The following PCCA variants were observed in gnomAD, a reference collection of about 807,000 sequenced individuals.
The protein encoded by PCCA is propionyl-CoA carboxylase alpha chain, mitochondrial.
A neutral mutation model predicts 101.3 loss-of-function variants in PCCA; 74 were observed. That is an observed-to-expected ratio of 0.73 (90% confidence interval 0.61 to 0.89). PCCA has a LOEUF of 0.89. Among genes scored for constraint, PCCA ranks in the 40% least tolerant of loss-of-function variants. PCCA has a pLI of 0.00. For missense variants in PCCA, 891 were observed against 907.0 expected (o/e 0.98, Z 0.23); for synonymous variants, 294 against 313.6 (o/e 0.94, Z 0.66).
chr13:100,134,421 C>A (rs1445161687), intron 4 of PCCA, among the ~76,000 whole-genome samples: 4 of 152,088 alleles, frequency 2.6e-5, no homozygotes, highest in Non-Finnish European at 5.9e-5. Context: ...TGTACACACA[C>A]AAAAAAAATC....
intron 21 of PCCA, among the ~76,000 whole-genome samples, chr13:100,469,108 G>A (rs377105755): frequency 6.6e-6 from 1 of 150,932 alleles, no homozygotes; most frequent in Non-Finnish European, 1.5e-5. Flanking sequence ...CTACTAGGGA[G>A]GCTGAGGCAG....
chr13:100,224,558 C>T (rs2060035233), intron 7 of PCCA, among the ~76,000 whole-genome samples: 1 of 152,218 alleles, frequency 6.6e-6, no homozygotes, highest in Non-Finnish European at 1.5e-5. Context: ...GCGCCAAGAG[C>T]GAGCGAGGGC....
At chr13:100,384,027 ATTTT>A (rs11301747) in intron 19 of PCCA, among the ~76,000 whole-genome samples, 2 of 134,820 alleles carry the variant, frequency 1.5e-5, no homozygotes, top group Non-Finnish European at 3.3e-5. Context: ...TGAAAGTTTG[ATTTT>A]TTTTTTTTTT....
chr13:100,509,083 A>G (rs996008878), intron 21 of PCCA, among the ~76,000 whole-genome samples: 1 of 152,028 alleles, frequency 6.6e-6, no homozygotes, highest in Non-Finnish European at 1.5e-5. Flanking sequence ...CTTGAACTAG[A>G]CTTGCTAGTT....
At chr13:100,405,104 C>G (rs927358612) in intron 19 of PCCA, among the ~76,000 whole-genome samples, 2 of 152,194 alleles carry the variant, frequency 1.3e-5, no homozygotes, top group African/African-American at 4.8e-5. Flanking sequence ...GAAAGCATGT[C>G]TTGTGACACA....
chr13:100,503,758 A>G (rs997994197), intron 21 of PCCA, among the ~76,000 whole-genome samples: 1 of 152,086 alleles, frequency 6.6e-6, no homozygotes, highest in Non-Finnish European at 1.5e-5. Flanking sequence ...TTAAAAAAAA[A>G]TTAGCCGGGC....
intron 20 of PCCA, among the ~76,000 whole-genome samples, chr13:100,430,356 G>A (rs1170172116): frequency 6.6e-6 from 1 of 152,192 alleles, no homozygotes; most frequent in Non-Finnish European, 1.5e-5. Flanking sequence ...CAGTGTCCCT[G>A]AAGAACACCA....
chr13:100,305,761 C>T, intron 14 of PCCA: 1 of 408,004 alleles, frequency 2.5e-6, no homozygotes. Flanking sequence ...TTTTTGTCAA[C>T]ACTGTGAATT....
intron 20 of PCCA, among the ~76,000 whole-genome samples, chr13:100,429,376 C>A (rs1346461167): frequency 6.6e-6 from 1 of 151,792 alleles, no homozygotes. Flanking sequence ...ATGAATATTA[C>A]CAAAGGCATT....
chr13:100,247,553 A>C, intron 8 of PCCA, among the ~76,000 whole-genome samples: 1 of 132,352 alleles, frequency 7.6e-6, no homozygotes, highest in Admixed American at 8.4e-5. Context: ...TCGCTCTGTC[A>C]CCTAGGCTGG....
intron 7 of PCCA, among the ~76,000 whole-genome samples, chr13:100,216,738 T>TA (rs1258911899): frequency 6.6e-6 from 1 of 152,186 alleles, no homozygotes; most frequent in Non-Finnish European, 1.5e-5. Context: ...ATGCTTCAGA[T>TA]ATTGGAATTG....
intron 4 of PCCA, among the ~76,000 whole-genome samples, chr13:100,134,105 A>G (rs1260447043): frequency 6.6e-6 from 1 of 152,082 alleles, no homozygotes; most frequent in Admixed American, 6.5e-5. Context: ...TGATCATGCG[A>G]GTCAATACTC....
chr13:100,486,994 T>C (rs1447374944), intron 21 of PCCA, among the ~76,000 whole-genome samples: 4 of 152,194 alleles, frequency 2.6e-5, no homozygotes, highest in African/African-American at 9.6e-5. Flanking sequence ...TTGAGCGGAA[T>C]TGTCTTCATG....
chr13:100,521,747 C>T (rs2087315859), intron 22 of PCCA, among the ~76,000 whole-genome samples: 1 of 152,128 alleles, frequency 6.6e-6, no homozygotes. Flanking sequence ...CATTCAGGCA[C>T]CTGTGTTCCA....
rs557416999 is a variant in PCCA at position 100,129,521 on chromosome 13, G to A, written c.300+17460G>A. Among the ~76,000 whole-genome samples, 8 of 152,000 alleles carry A rather than the reference G, an allele frequency of 5.3e-5. No individual in the cohort carries two copies. In the South Asian group the frequency reaches 1.3e-3, roughly 24 times the overall value. Reference sequence around the variant, plus strand: ...TCTTTCCTAGTTTCTCTCTCACCCCGGCCATTGCTGCCTCCCACCTTCTCC... The same window carrying A: ...TCTTTCCTAGTTTCTCTCTCACCCCAGCCATTGCTGCCTCCCACCTTCTCC... On this transcript the variant is annotated intron_variant, in intron 4 of 23. Coordinates refer to ENST00000376285, the MANE Select transcript of PCCA (RefSeq NM_000282.4).
chr13:100,106,386 G>A (rs942797733), intron 2 of PCCA, among the ~76,000 whole-genome samples: 6 of 152,124 alleles, frequency 3.9e-5, no homozygotes, highest in Admixed American at 2.0e-4. Flanking sequence ...ATAAATAAAT[G>A]TATGTAACTG....
At chr13:100,332,605 A>T (rs1202680313) in intron 17 of PCCA, among the ~76,000 whole-genome samples, 2 of 152,190 alleles carry the variant, frequency 1.3e-5, no homozygotes, top group Non-Finnish European at 2.9e-5. Context: ...GGGCATTTAA[A>T]TTTTCTAATC....
chr13:100,179,469 T>A (rs2056576036), intron 6 of PCCA, among the ~76,000 whole-genome samples: 1 of 152,220 alleles, frequency 6.6e-6, no homozygotes, highest in African/African-American at 2.4e-5. Context: ...TTTAGGGAAG[T>A]GAGGTCATGG....
chr13:100,444,143 CCATGCCAT>C (rs1321152154), intron 20 of PCCA, among the ~76,000 whole-genome samples: 1 of 152,094 alleles, frequency 6.6e-6, no homozygotes, highest in Non-Finnish European at 1.5e-5. Flanking sequence ...CCTAAACTTG[CCATGCCAT>C]CGTGCCATCC....
Sources: gnomAD v4.1 joint callset for allele counts (sites outside exome capture counted in the v4.1 genomes callset) on GRCh38, gnomAD v4.1.1 for gene constraint, MANE v1.5 for transcripts, NCBI Gene and HGNC (gene_info 2026-07-23, HGNC 2026-07-21) for gene names.